The following STK3 variants were observed in gnomAD, a reference collection of about 807,000 sequenced individuals.
STK3 encodes serine/threonine-protein kinase 3.
Under a neutral mutation model 58.0 loss-of-function variants are expected in STK3, and 41 were observed. The ratio of observed to expected loss-of-function variants is 0.71; its 90% CI spans 0.55 to 0.92. The LOEUF (loss-of-function observed/expected upper bound fraction) is 0.92, where lower values mean the gene tolerates loss of function less well. Ranked by LOEUF, STK3 falls within the 40% of genes least tolerant of loss-of-function variation. The pLI is 0.00. For synonymous variants in STK3, 170 were observed against 191.0 expected, an observed-to-expected ratio of 0.89 and a Z score of 0.91; for missense variants, 479 against 602.7, an observed-to-expected ratio of 0.79 and a Z score of 2.15.
At chr8:98,348,153 G>C in the STK3 span, among the ~76,000 whole-genome samples, 1 of 152,142 alleles carries the variant, frequency 6.6e-6, no homozygotes, top group Non-Finnish European at 1.5e-5. Context: ...GCAATGCAAT[G>C]AGGAAAAGAC....
intron 10 of STK3, chr8:98,526,268 T>C (rs959686076): frequency 3.3e-5 from 5 of 152,116 alleles, no homozygotes; most frequent in African/African-American, 1.2e-4. Flanking sequence ...AGGTACAGAA[T>C]AGGACTATTA....
At chr8:98,675,658 C>T (rs1185722639) in intron 6 of STK3, among the ~76,000 whole-genome samples, 4 of 151,820 alleles carry the variant, frequency 2.6e-5, no homozygotes, top group Admixed American at 1.3e-4. Flanking sequence ...GTCAGGAGAT[C>T]GAGACCATCC....
At chr8:98,386,565 G>A (rs1191143523) in intron 1 of STK3, among the ~76,000 whole-genome samples, 3 of 152,198 alleles carry the variant, frequency 2.0e-5, no homozygotes, top group East Asian at 1.9e-4. Context: ...TTTTTTAAAC[G>A]CAGGATAACA....
intron 10 of STK3, among the ~76,000 whole-genome samples, chr8:98,503,558 T>G (rs961665302): frequency 6.6e-6 from 1 of 152,248 alleles, no homozygotes; most frequent in Admixed American, 6.5e-5. Context: ...AATTTCCCTC[T>G]ACAAACTGCT....
intron 3 of STK3, among the ~76,000 whole-genome samples, chr8:98,762,355 A>G (rs1441869740): frequency 6.6e-6 from 1 of 152,184 alleles, no homozygotes; most frequent in East Asian, 1.9e-4. Context: ...TCTCGGGTTC[A>G]AGTGATTCTC....
chr8:98,470,914 A>G (rs1220646546), intron 10 of STK3, among the ~76,000 whole-genome samples: 1 of 152,240 alleles, frequency 6.6e-6, no homozygotes, highest in Non-Finnish European at 1.5e-5. Flanking sequence ...ATTAACTGAT[A>G]GAACACCTGA....
intron 1 of STK3, among the ~76,000 whole-genome samples, chr8:98,386,588 G>A (rs1259969073): frequency 9.2e-5 from 14 of 152,112 alleles, no homozygotes; most frequent in Admixed American, 9.2e-4. Flanking sequence ...AACTAATAGT[G>A]GTTATATATA....
intron 10 of STK3, among the ~76,000 whole-genome samples, chr8:98,493,232 C>CA (rs58987455): frequency 1.1e-3 from 137 of 120,216 alleles, no homozygotes; most frequent in African/African-American, 1.4e-3. Flanking sequence ...GACCCTGTCT[C>CA]AAAAAAAAAA....
chr8:98,724,588 ACT>A (rs914106975), intron 4 of STK3, among the ~76,000 whole-genome samples: 5 of 152,182 alleles, frequency 3.3e-5, no homozygotes, highest in African/African-American at 1.2e-4. Context: ...TAGGAAGAAA[ACT>A]CTGACAGCAG....
intron 6 of STK3, among the ~76,000 whole-genome samples, chr8:98,622,710 G>T (rs1748023023): frequency 6.6e-6 from 1 of 152,154 alleles, no homozygotes; most frequent in Non-Finnish European, 1.5e-5. Context: ...GAAATTATGT[G>T]TTCGCCTATC....
intron 3 of STK3, among the ~76,000 whole-genome samples, chr8:98,753,749 ATAAC>A (rs1261230231): frequency 1.3e-5 from 2 of 152,202 alleles, no homozygotes; most frequent in Non-Finnish European, 2.9e-5. Context: ...ACAAAAAAAA[ATAAC>A]TATGTCTTGA....
At chr8:98,767,118 T>A in intron 3 of STK3, 125 bp downstream of exon 3, 1 of 1,188,052 alleles carries the variant, frequency 8.4e-7, no homozygotes, top group Non-Finnish European at 1.1e-6. Context: ...CAAAACCCTG[T>A]CTCAAAAAAA....
chr8:98,443,002 A>C (rs1010192784), intron 1 of STK3, among the ~76,000 whole-genome samples: 1 of 151,780 alleles, frequency 6.6e-6, no homozygotes. Context: ...CAAAAAAAAA[A>C]AACAACAAAA....
intron 6 of STK3, among the ~76,000 whole-genome samples, chr8:98,705,687 C>T (rs1021082389): frequency 6.6e-6 from 1 of 152,040 alleles, no homozygotes. Context: ...ACATACACTC[C>T]TCCCCTCATT....
At position 98,454,773 on chromosome 8, in the gene STK3, C is replaced by G. The variant is rs1819369372; in HGVS notation, c.*1069G>C. On this transcript the variant is annotated 3_prime_UTR_variant, in exon 11 of 11. Coordinates refer to ENST00000419617, the MANE Select transcript of STK3 (RefSeq NM_006281.4). ...CAATGCAATCATATAAATGTTCATT[C>G]AGCGTAAAAATGAGTTTCTTTTTAA... 6.6e-6 allele frequency: 1 copy of G among 152,458 alleles called. No homozygotes were observed. The highest frequency in any genetic ancestry group is 1.5e-5 in the Non-Finnish European group (1 of 67,992). 9.4% of individuals were successfully genotyped at this position (152,458 alleles called of 1,614,324 possible). A position where few individuals can be genotyped will look rare whatever the true frequency, so the allele number is the denominator to read the frequency against.
intron 6 of STK3, among the ~76,000 whole-genome samples, chr8:98,703,938 A>C (rs1352434923): frequency 6.6e-6 from 1 of 152,222 alleles, no homozygotes; most frequent in Admixed American, 6.5e-5. Flanking sequence ...GAAACAGTAA[A>C]GTTTATTAAT....
At chr8:98,504,407 T>TA (rs1823878160) in intron 10 of STK3, among the ~76,000 whole-genome samples, 1 of 152,236 alleles carries the variant, frequency 6.6e-6, no homozygotes, top group South Asian at 2.1e-4. Flanking sequence ...TTACTATTGT[T>TA]ACGTGTGAAT....
At position 98,553,839 on chromosome 8, in the gene STK3, C is replaced by A. The variant is rs898798938; in HGVS notation, c.949-5678G>T. Among the ~76,000 whole-genome samples the A allele has an allele frequency of 1.3e-4, 19 of 151,970 alleles. 1 individual carries two copies. ...AATTAGCCAGGCATGGTGGCACGTTCCTGTAATCCCAGCTACTTAGAAGGC... is the reference window on the plus strand; with the variant it reads ...AATTAGCCAGGCATGGTGGCACGTTACTGTAATCCCAGCTACTTAGAAGGC... On this transcript the variant is annotated intron_variant, in intron 8 of 10. Coordinates refer to ENST00000419617, the MANE Select transcript of STK3 (RefSeq NM_006281.4).
rs1158704798 is a variant in STK3 at position 98,547,828 on chromosome 8, ACT to A, written c.1141+139_1141+140del. On this transcript the variant is annotated intron_variant, in intron 9 of 10. Coordinates refer to ENST00000419617, the MANE Select transcript of STK3 (RefSeq NM_006281.4). ...ATTTTAAAAAGGTGACTTGTGCCAT[ACT>A]CTTTTTTACTGTTACATAAATCTAA... The A allele has an allele frequency of 6.4e-6, 4 of 626,308 alleles. No individual in the cohort carries two copies. The African/African-American group carries it at 7.6e-5, about 12-fold the overall frequency. 38.8% of individuals were successfully genotyped at this position (626,308 alleles called of 1,614,324 possible).
Sources: allele counts gnomAD v4.1 joint callset (sites outside exome capture counted in the v4.1 genomes callset), GRCh38; gene constraint gnomAD v4.1.1; transcripts MANE v1.5; gene names NCBI Gene and HGNC (gene_info 2026-07-23, HGNC 2026-07-21).